FGF10: variants seen among roughly 807,000 people sequenced by gnomAD.
The protein encoded by FGF10 is fibroblast growth factor 10.
Under a neutral mutation model 19.8 loss-of-function variants are expected in FGF10, and 2 were observed. That is an observed-to-expected ratio of 0.10 (90% confidence interval 0.04 to 0.32). The LOEUF is 0.32. Ranked by LOEUF, FGF10 falls within the 10% of genes least tolerant of loss-of-function variation. The pLI is 1.00. For missense variants in FGF10, 191 were observed against 246.3 expected, an observed-to-expected ratio of 0.78 and a Z score of 1.50; for synonymous variants, 112 against 94.0, an observed-to-expected ratio of 1.19 and a Z score of -1.10.
Position 44,326,538 on chromosome 5 carries a change from A to C in FGF10, c.326-16008T>G, listed in dbSNP as rs570009892. Among the ~76,000 whole-genome samples, 3 of 151,728 alleles carry C rather than the reference A, an allele frequency of 2.0e-5. No homozygotes were observed. The South Asian group carries it at 6.3e-4, about 32-fold the overall frequency. On this transcript the variant is annotated intron_variant, in intron 1 of 2. Transcript: ENST00000264664. ...CTCTGCCTCCCAAGTAGCTGGGACT[A>C]CAGGCACAAACCACCATGCCCAGCT... is the stretch of plus-strand genomic sequence containing the variant.
At chr5:44,344,300 TA>T (rs1381403535) in intron 1 of FGF10, among the ~76,000 whole-genome samples, 1 of 150,776 alleles carries the variant, frequency 6.6e-6, no homozygotes, top group African/African-American at 2.5e-5. Flanking sequence ...TGAATGGGGA[TA>T]AATTCAGGCA....
At chr5:44,333,830 G>A (rs1740789551) in intron 1 of FGF10, among the ~76,000 whole-genome samples, 1 of 152,136 alleles carries the variant, frequency 6.6e-6, no homozygotes. Flanking sequence ...GTGTGTTGGT[G>A]TCTCAGCATC....
At chr5:44,347,191 A>G (rs2111808078) in intron 1 of FGF10, among the ~76,000 whole-genome samples, 1 of 151,808 alleles carries the variant, frequency 6.6e-6, no homozygotes, top group South Asian at 2.1e-4. Flanking sequence ...ATGAGTCATA[A>G]TATCTCCCTT....
chr5:44,306,876 T>A (rs376957993), intron 2 of FGF10, among the ~76,000 whole-genome samples: 3 of 152,316 alleles, frequency 2.0e-5, no homozygotes, highest in African/African-American at 7.2e-5. Flanking sequence ...ACAAAAATAA[T>A]TCTGTATTTG....
intron 1 of FGF10, among the ~76,000 whole-genome samples, chr5:44,321,172 G>A (rs1157713598): frequency 6.6e-6 from 1 of 152,130 alleles, no homozygotes; most frequent in Non-Finnish European, 1.5e-5. Flanking sequence ...AAGGACATTT[G>A]TCATGAACTT....
intron 1 of FGF10, among the ~76,000 whole-genome samples, chr5:44,370,909 C>A (rs1741727334): frequency 6.6e-6 from 1 of 151,996 alleles, no homozygotes; most frequent in Non-Finnish European, 1.5e-5. Flanking sequence ...GAAATCTACA[C>A]ATAGTGAGAG....
At chr5:44,378,894 G>A (rs1408542555) in intron 1 of FGF10, among the ~76,000 whole-genome samples, 3 of 151,880 alleles carry the variant, frequency 2.0e-5, no homozygotes, top group Non-Finnish European at 4.4e-5. Context: ...TCTTCATATA[G>A]TATCCTTTTG....
chr5:44,315,584 A>G (rs1182424011), intron 1 of FGF10, among the ~76,000 whole-genome samples: 1 of 152,216 alleles, frequency 6.6e-6, no homozygotes, highest in Non-Finnish European at 1.5e-5. Flanking sequence ...AGAATCAGTC[A>G]CATCTATTTT....
In FGF10 at chr5:44,305,187, T is replaced by C. The variant is rs200817529; in HGVS notation, c.435A>G (p.Glu145=). 5.6e-6 allele frequency: 9 copies of C among 1,613,460 alleles called. No homozygotes were observed. The highest frequency in any genetic ancestry group is 7.6e-6 in the Non-Finnish European group (9 of 1,179,482). Residue 145 remains glutamate (E), a synonymous_variant, in exon 3 of 3, where the codon GAA becomes GAG. Coordinates refer to ENST00000264664, the MANE Select transcript of FGF10 (RefSeq NM_004465.2). ...NKKGKLYGSK[E]FNNDCKLKER... is the part of the protein sequence containing the mutation. ...CCTTCAGCTTACAGTCATTGTTAAA[T>C]TCTTTCTGCAAAGGAAAAACAGAAT...
intron 1 of FGF10, among the ~76,000 whole-genome samples, chr5:44,360,046 T>C (rs1045612735): frequency 6.6e-6 from 1 of 151,520 alleles, no homozygotes; most frequent in Non-Finnish European, 1.5e-5. Context: ...ATCCCCATCC[T>C]GACAGCACTG....
intron 1 of FGF10, among the ~76,000 whole-genome samples, chr5:44,312,640 G>C (rs946245605): frequency 1.3e-5 from 2 of 152,090 alleles, no homozygotes; most frequent in African/African-American, 4.8e-5. Flanking sequence ...GTCATAAGCA[G>C]AAGATACAGA....
At chr5:44,372,288 C>T (rs1741758681) in intron 1 of FGF10, among the ~76,000 whole-genome samples, 1 of 152,142 alleles carries the variant, frequency 6.6e-6, no homozygotes, top group Non-Finnish European at 1.5e-5. Flanking sequence ...AGTGTAGCAT[C>T]TTCAAATCTC....
At chr5:44,355,127 C>G (rs994592338) in intron 1 of FGF10, among the ~76,000 whole-genome samples, 4 of 151,400 alleles carry the variant, frequency 2.6e-5, no homozygotes, top group Non-Finnish European at 5.9e-5. Context: ...TTTACAAGAA[C>G]ATTCATTTCA....
chr5:44,385,293 T>C (rs16901825), intron 1 of FGF10, among the ~76,000 whole-genome samples: 2,074 of 152,210 alleles, frequency 0.014, 87 homozygotes, highest in East Asian at 0.12. Context: ...ATCACCCATA[T>C]AGAGAAGAGC....
intron 1 of FGF10, among the ~76,000 whole-genome samples, chr5:44,370,674 T>C (rs1741722259): frequency 6.6e-6 from 1 of 152,172 alleles, no homozygotes; most frequent in Non-Finnish European, 1.5e-5. Context: ...ACCCTAAGAC[T>C]TGACAACAAA....
At chr5:44,311,861 A>G (rs1034371942) in intron 1 of FGF10, among the ~76,000 whole-genome samples, 1 of 152,066 alleles carries the variant, frequency 6.6e-6, no homozygotes, top group Non-Finnish European at 1.5e-5. Context: ...CACTCTTCCC[A>G]TAGAGATAGA....
At chr5:44,319,080 A>T (rs998277246) in intron 1 of FGF10, among the ~76,000 whole-genome samples, 3 of 152,186 alleles carry the variant, frequency 2.0e-5, no homozygotes, top group Non-Finnish European at 1.5e-5. Flanking sequence ...TTAAGTAAAT[A>T]CTTAGTCTAC....
At chr5:44,376,524 A>AAAACAAAAC (rs1741868780) in intron 1 of FGF10, among the ~76,000 whole-genome samples, 1 of 145,414 alleles carries the variant, frequency 6.9e-6, no homozygotes, top group Non-Finnish European at 1.5e-5. Flanking sequence ...AAAACAAAAA[A>AAAACAAAAC]CCCACAACTA....
Position 44,388,871 on chromosome 5 carries a change from G to C in FGF10, c.-189C>G. On this transcript the variant is annotated 5_prime_UTR_variant, in exon 1 of 3. Coordinates refer to ENST00000264664, the MANE Select transcript of FGF10 (RefSeq NM_004465.2). ...TCGGAAAAGCCGGCTGACTCCCCTC[G>C]CTCCTTTCTCGGATCCGCTGCCTAC... The C allele has an allele frequency of 1.5e-6, 1 of 664,012 alleles. No individual in the cohort carries two copies. The highest frequency in any genetic ancestry group is 2.7e-6 in the Non-Finnish European group (1 of 365,788). 41.1% of individuals were successfully genotyped at this position (664,012 alleles called of 1,614,324 possible).
Sources: gnomAD v4.1 joint callset for allele counts (sites outside exome capture counted in the v4.1 genomes callset) on GRCh38, gnomAD v4.1.1 for gene constraint, MANE v1.5 for transcripts, NCBI Gene and HGNC (gene_info 2026-07-23, HGNC 2026-07-21) for gene names.